CPA6: variants seen among roughly 807,000 people sequenced by gnomAD.
The protein encoded by CPA6 is carboxypeptidase A6, also known as carboxypeptidase B.
Under a neutral mutation model 63.3 loss-of-function variants are expected in CPA6, and 58 were observed. The ratio of observed to expected loss-of-function variants is 0.92; its 90% CI spans 0.74 to 1.14. The LOEUF (loss-of-function observed/expected upper bound fraction) is 1.14, where lower values mean the gene tolerates loss of function less well. CPA6 is among the 50% of genes most tolerant of loss of function. CPA6 has a pLI of 0.00. For synonymous variants in CPA6, 185 were observed against 179.0 expected (o/e 1.03, Z -0.27); for missense variants, 565 against 526.6 (o/e 1.07, Z -0.71).
rs141434028 is a variant in CPA6, at chr8:67,431,224, C to T, written c.1041+2814G>A. Among the ~76,000 whole-genome samples the T allele has an allele frequency of 5.6e-3, 846 of 151,878 alleles. 11 individuals are homozygous for T. The highest frequency in any genetic ancestry group is 0.019 in the African/African-American group (798 of 41,422). ...TAACTTAAGGTGGGAAGATAAAATA[C>T]GAAGAACATTCTCATATGATAATTT... On this transcript the variant is annotated intron_variant, in intron 9 of 10. Coordinates refer to ENST00000297770, the MANE Select transcript of CPA6 (RefSeq NM_020361.5).
intron 2 of CPA6, among the ~76,000 whole-genome samples, chr8:67,571,793 GA>G (rs1813492815): frequency 6.6e-6 from 1 of 151,850 alleles, no homozygotes; most frequent in African/African-American, 2.4e-5. Context: ...ATACAAAAAA[GA>G]AGAACAAACT....
chr8:67,572,223 T>A (rs1405444137), intron 2 of CPA6, among the ~76,000 whole-genome samples: 1 of 152,186 alleles, frequency 6.6e-6, no homozygotes, highest in African/African-American at 2.4e-5. Context: ...ATGGTTTGTT[T>A]ATTCTCACCA....
intron 2 of CPA6, among the ~76,000 whole-genome samples, chr8:67,561,709 G>A (rs962605026): frequency 3.3e-5 from 5 of 152,056 alleles, no homozygotes; most frequent in South Asian, 2.1e-4. Flanking sequence ...GTAATATATC[G>A]GTGTTAATTT....
Position 67,660,322 on chromosome 8 carries a change from GTTTTTTTT to G in CPA6, c.117-36079_117-36072del, listed in dbSNP as rs869189030. On this transcript the variant is annotated intron_variant, in intron 1 of 10. Transcript: ENST00000297770. ...ACATGGTAAAAGTTAATTATTGCAG[GTTTTTTTT>G]TTTTTTTTTTTTTTTTTGAGACAGA... 5.4e-5 allele frequency among the ~76,000 whole-genome samples: 4 copies of G among 73,908 alleles called. 1 individual carries two copies. The highest frequency in any genetic ancestry group is 1.2e-3 in the South Asian group (2 of 1,668). 48.5% of individuals were successfully genotyped at this position (73,908 alleles called of 152,430 possible).
At chr8:67,493,721 C>G (rs529278777) in intron 6 of CPA6, among the ~76,000 whole-genome samples, 63 of 152,264 alleles carry the variant, frequency 4.1e-4, no homozygotes, top group African/African-American at 1.2e-3. Flanking sequence ...ATTACATAGA[C>G]AGCAGACGAA....
chr8:67,455,426 T>C (rs1432260783), intron 8 of CPA6, among the ~76,000 whole-genome samples: 1 of 152,026 alleles, frequency 6.6e-6, no homozygotes, highest in South Asian at 2.1e-4. Context: ...GGTTTGGTTA[T>C]CCTGATAAAT....
intron 8 of CPA6, among the ~76,000 whole-genome samples, chr8:67,450,681 A>C (rs373798605): frequency 1.2e-4 from 19 of 152,330 alleles, no homozygotes; most frequent in African/African-American, 4.3e-4. Flanking sequence ...GAGTGGTGAC[A>C]ATCTTGCCTT....
intron 2 of CPA6, among the ~76,000 whole-genome samples, chr8:67,550,990 G>C (rs1812925512): frequency 6.6e-6 from 1 of 152,078 alleles, no homozygotes; most frequent in South Asian, 2.1e-4. Context: ...TAAGTTGTCT[G>C]TTTACTCTGT....
intron 2 of CPA6, among the ~76,000 whole-genome samples, chr8:67,604,413 C>A (rs1814573077): frequency 6.6e-6 from 1 of 152,190 alleles, no homozygotes; most frequent in Non-Finnish European, 1.5e-5. Context: ...TGCTCAAATG[C>A]CACATTTTTA....
intron 1 of CPA6, among the ~76,000 whole-genome samples, chr8:67,673,353 T>TTTATTATTA (rs71253021): frequency 0.046 from 6,509 of 140,026 alleles, 256 homozygotes; most frequent in African/African-American, 0.094. Flanking sequence ...TCTCTTTCAA[T>TTTATTATTA]TTATTATTAT....
chr8:67,592,844 T>C (rs926445120), intron 2 of CPA6, among the ~76,000 whole-genome samples: 1 of 152,210 alleles, frequency 6.6e-6, no homozygotes, highest in African/African-American at 2.4e-5. Context: ...AGCTCCTGGA[T>C]TCATTAATTT....
chr8:67,551,346 A>G (rs1812932709), intron 2 of CPA6, among the ~76,000 whole-genome samples: 1 of 151,854 alleles, frequency 6.6e-6, no homozygotes, highest in African/African-American at 2.4e-5. Flanking sequence ...GTGCTGCTTT[A>G]TTTCTTGGCT....
chr8:67,574,891 A>G (rs891231424), intron 2 of CPA6, among the ~76,000 whole-genome samples: 2 of 152,170 alleles, frequency 1.3e-5, no homozygotes, highest in African/African-American at 4.8e-5. Context: ...GACAACTGGA[A>G]TTACATAAAA....
At chr8:67,583,402 T>C (rs552554498) in intron 2 of CPA6, among the ~76,000 whole-genome samples, 2 of 152,098 alleles carry the variant, frequency 1.3e-5, no homozygotes, top group African/African-American at 4.8e-5. Flanking sequence ...GTTTGTGTAA[T>C]GGTCTTCGGT....
chr8:67,428,081 T>C lies in CPA6; in HGVS notation c.1092A>G (p.Val364=). ...TGGAGGCTGGTCCATATCTGTATCG[T>C]ACCCCGTATACTGACTGAAGTGCAT... is the stretch of plus-strand genomic sequence containing the variant. ...AVNALQSVYG[V]RYRYGPASTT... Residue 364 remains valine, a synonymous_variant, in exon 10 of 11, where the codon GTA becomes GTG. Transcript: ENST00000297770. 4 of 1,613,274 alleles carry C rather than the reference T, an allele frequency of 2.5e-6. No individual in the cohort carries two copies. The highest frequency in any genetic ancestry group is 3.4e-6 in the Non-Finnish European group (4 of 1,179,344).
intron 6 of CPA6, among the ~76,000 whole-genome samples, chr8:67,487,311 T>C (rs535503624): frequency 6.6e-6 from 1 of 152,340 alleles, no homozygotes; most frequent in South Asian, 2.1e-4. Context: ...TGTTTGGCTT[T>C]CTGTCCTTGT....
intron 1 of CPA6, chr8:67,735,588 TTACCTAATATAA>T (rs1367119192): frequency 6.6e-6 from 1 of 152,164 alleles, no homozygotes; most frequent in Non-Finnish European, 1.5e-5. Flanking sequence ...ATAGCATAAC[TTACCTAATATAA>T]TACCTTGTAT....
chr8:67,640,995 A>T (rs1815579522), intron 1 of CPA6, among the ~76,000 whole-genome samples: 1 of 151,662 alleles, frequency 6.6e-6, no homozygotes. Context: ...CCAGCCATGC[A>T]AGGGTGCGGG....
intron 8 of CPA6, among the ~76,000 whole-genome samples, chr8:67,476,553 CT>C (rs71554607): frequency 8.2e-4 from 116 of 141,944 alleles, no homozygotes; most frequent in Admixed American, 1.6e-3. Flanking sequence ...CTCTCTCTCT[CT>C]TTTTTTTTTT....
Sources: allele counts gnomAD v4.1 joint callset (sites outside exome capture counted in the v4.1 genomes callset), GRCh38; gene constraint gnomAD v4.1.1; transcripts MANE v1.5; gene names NCBI Gene and HGNC (gene_info 2026-07-23, HGNC 2026-07-21).